Variants in CCDC38 observed in about 807,000 individuals in gnomAD.
CCDC38 encodes coiled-coil domain-containing protein 38.
CCDC38 carries 69 observed loss-of-function variants against 72.8 expected under a neutral mutation model. That is an observed-to-expected ratio of 0.95 (90% CI 0.78 to 1.16). The LOEUF (loss-of-function observed/expected upper bound fraction) is 1.16. Ranked by LOEUF, CCDC38 falls within the 50% of genes most tolerant of loss-of-function variation. The pLI is 0.00. For missense variants in CCDC38, 626 were observed against 638.9 expected (o/e 0.98, Z 0.22); for synonymous variants, 201 against 213.2 (o/e 0.94, Z 0.50).
intron 12 of CCDC38, 56 bp from the exon 13 acceptor site, chr12:95,878,402 C>G (rs2079660574): frequency 2.6e-6 from 4 of 1,551,348 alleles, no homozygotes; most frequent in Admixed American, 3.5e-5. Flanking sequence ...GTGAAATAAC[C>G]ATCAGTCAGG....
intron 5 of CCDC38, 25 bp from the exon 6 acceptor site, chr12:95,898,756 T>A: frequency 6.2e-7 from 1 of 1,600,992 alleles, no homozygotes; most frequent in Non-Finnish European, 8.5e-7. Flanking sequence ...GACAGAGGTG[T>A]AAAAACATGA....
At chr12:95,928,757 A>G (rs1467040379) in intron 2 of CCDC38, among the ~76,000 whole-genome samples, 1 of 152,188 alleles carries the variant, frequency 6.6e-6, no homozygotes, top group African/African-American at 2.4e-5. Context: ...TCCTTCTAAC[A>G]GACAGGACCC....
At chr12:95,942,383 G>GGC (rs2080461453) in intron 1 of CCDC38, 48 bp downstream of exon 1, 1 of 115,478 alleles carries the variant, frequency 8.7e-6, no homozygotes, top group African/African-American at 3.0e-5. Context: ...GCTGAGGGGT[G>GGC]GGAGGGGGCA....
intron 8 of CCDC38, among the ~76,000 whole-genome samples, chr12:95,894,145 G>A (rs1328299939): frequency 6.6e-6 from 1 of 152,074 alleles, no homozygotes; most frequent in Non-Finnish European, 1.5e-5. Flanking sequence ...CTTAAACCTG[G>A]GAGGCGGAGG....
chr12:95,875,934 C>G (rs915441849), intron 13 of CCDC38, among the ~76,000 whole-genome samples: 1 of 151,968 alleles, frequency 6.6e-6, no homozygotes, highest in Non-Finnish European at 1.5e-5. Context: ...ATGAAAGGGG[C>G]TTGGTTGGGA....
intron 9 of CCDC38, among the ~76,000 whole-genome samples, chr12:95,888,727 C>T (rs571357100): frequency 1.3e-4 from 20 of 152,004 alleles, no homozygotes; most frequent in African/African-American, 3.4e-4. Flanking sequence ...GAGTTGCATG[C>T]GTAAGAATAA....
intron 2 of CCDC38, among the ~76,000 whole-genome samples, chr12:95,924,004 C>T (rs1374928040): frequency 3.2e-4 from 37 of 117,342 alleles, no homozygotes; most frequent in African/African-American, 1.2e-3. Flanking sequence ...AATAAACATA[C>T]GTGTGCATGT....
rs191425800 is a variant in CCDC38 at position 95,882,335 on chromosome 12, G to C, written c.921-781C>G. Among the ~76,000 whole-genome samples the C allele has an allele frequency of 2.0e-5, 3 of 152,188 alleles. No individual in the cohort carries two copies. The East Asian group carries it at 5.8e-4, about 29-fold the overall frequency. On this transcript the variant is annotated intron_variant, in intron 10 of 15. Coordinates refer to ENST00000344280, the MANE Select transcript of CCDC38 (RefSeq NM_182496.3). ...AATCATGGGAACCAAAAATAGAAAG[G>C]GCTCTTGGGGCCATGAGAGAAGAGA...
rs1021929236 is a variant in CCDC38, at chr12:95,898,412, G to A, written c.587C>T (p.Ala196Val). The A allele has an allele frequency of 1.2e-6, 2 of 1,614,046 alleles. No individual in the cohort carries two copies. The highest frequency in any genetic ancestry group is 1.7e-6 in the Non-Finnish European group (2 of 1,180,044). Reference sequence around the variant, plus strand: ...TTTCACTGCTTGTACCTCCATGCTTGCTTTCTTCAGCTCTGCTGTCATTTG... The same window carrying A: ...TTTCACTGCTTGTACCTCCATGCTTACTTTCTTCAGCTCTGCTGTCATTTG... Reference protein sequence around the residue: ...KLQMTAELKKASMEVQAVKSE... With the variant: ...KLQMTAELKKVSMEVQAVKSE... The change falls in exon 7 of 16, where the codon GCA (alanine) becomes GTA (valine). Residue 196 changes from alanine to valine, a missense_variant. Transcript: ENST00000344280.
intron 8 of CCDC38, among the ~76,000 whole-genome samples, chr12:95,892,260 G>A (rs903717974): frequency 3.6e-5 from 5 of 138,362 alleles, no homozygotes; most frequent in African/African-American, 5.5e-5. Flanking sequence ...TTGTGACCCC[G>A]CTTTCACTTA....
At chr12:95,898,914 C>T (rs1317088122) in intron 5 of CCDC38, among the ~76,000 whole-genome samples, 183 bp from the exon 6 acceptor site, 1 of 152,274 alleles carries the variant, frequency 6.6e-6, no homozygotes, top group Admixed American at 6.5e-5. Context: ...AGACTAATTT[C>T]CCTCCCTTAC....
intron 3 of CCDC38, among the ~76,000 whole-genome samples, chr12:95,918,259 AC>A (rs2080167568): frequency 6.6e-6 from 1 of 152,128 alleles, no homozygotes; most frequent in Admixed American, 6.5e-5. Context: ...CTAGCTTCAT[AC>A]CACAAAATTT....
At chr12:95,900,071 G>A (rs2079934842) in intron 5 of CCDC38, among the ~76,000 whole-genome samples, 1 of 152,090 alleles carries the variant, frequency 6.6e-6, no homozygotes, top group Admixed American at 6.5e-5. Flanking sequence ...AAAAGTAATT[G>A]TGGTTTTTGC....
intron 2 of CCDC38, among the ~76,000 whole-genome samples, chr12:95,928,340 A>C (rs1407730290): frequency 3.9e-5 from 6 of 152,128 alleles, no homozygotes; most frequent in Non-Finnish European, 7.3e-5. Flanking sequence ...TCAGCTCCTG[A>C]GGCTTCTGCA....
chr12:95,871,901 A>G (rs537685013), intron 14 of CCDC38, among the ~76,000 whole-genome samples: 77 of 152,266 alleles, frequency 5.1e-4, no homozygotes, highest in Non-Finnish European at 1.0e-3. Flanking sequence ...TAGCTATTCA[A>G]AAATTTTCAT....
intron 5 of CCDC38, among the ~76,000 whole-genome samples, chr12:95,902,444 C>T (rs1420883734): frequency 1.3e-5 from 2 of 152,112 alleles, no homozygotes; most frequent in Admixed American, 6.5e-5. Context: ...CTTGCATTTT[C>T]TAGAATTTTA....
chr12:95,886,285 T>C (rs2079758173), intron 10 of CCDC38, among the ~76,000 whole-genome samples: 1 of 152,016 alleles, frequency 6.6e-6, no homozygotes, highest in African/African-American at 2.4e-5. Context: ...ATCACCACAA[T>C]CTAAACCTCA....
At position 95,906,964 on chromosome 12, in the gene CCDC38, C is replaced by G. The variant is rs1364923573; in HGVS notation, c.305-513G>C. 7.9e-5 allele frequency among the ~76,000 whole-genome samples: 12 copies of G among 151,042 alleles called. No homozygotes were observed. The South Asian group carries it at 2.5e-3, about 31-fold the overall frequency. On this transcript the variant is annotated intron_variant, in intron 4 of 15. Transcript: ENST00000344280. ...TCTCTGGTTTTCCTAGGCAGAGGACCCTGCGGCCTTCCGCAGCGTTTGTGT... is the reference window on the plus strand; with the variant it reads ...TCTCTGGTTTTCCTAGGCAGAGGACGCTGCGGCCTTCCGCAGCGTTTGTGT...
chr12:95,903,273 A>G, intron 5 of CCDC38: 1 of 531,140 alleles, frequency 1.9e-6, no homozygotes, highest in East Asian at 3.0e-5. Flanking sequence ...CTCATAGGTT[A>G]TGGTAGTTTT....
Sources: gnomAD v4.1 joint callset for allele counts (sites outside exome capture counted in the v4.1 genomes callset) on GRCh38, gnomAD v4.1.1 for gene constraint, MANE v1.5 for transcripts, NCBI Gene and HGNC (gene_info 2026-07-23, HGNC 2026-07-21) for gene names.